The following MTHFD1L variants were observed in gnomAD, a reference collection of about 807,000 sequenced individuals.
The protein encoded by MTHFD1L is methylenetetrahydrofolate dehydrogenase (NADP+ dependent) 1 like.
In MTHFD1L, 81 loss-of-function variants were observed where a neutral mutation model predicts 119.5. The ratio of observed to expected loss-of-function variants is 0.68; its 90% CI spans 0.57 to 0.82. The LOEUF (loss-of-function observed/expected upper bound fraction) is 0.82. Ranked by LOEUF, MTHFD1L falls within the 40% of genes least tolerant of loss-of-function variation. The pLI is 0.00. For synonymous variants in MTHFD1L, 430 were observed against 475.2 expected (o/e 0.90, Z 1.24); for missense variants, 1,125 against 1,253.4 (o/e 0.90, Z 1.55).
At chr6:150,969,512 C>CAAA (rs35902929) in intron 19 of MTHFD1L, among the ~76,000 whole-genome samples, 6 of 126,718 alleles carry the variant, frequency 4.7e-5, no homozygotes, top group African/African-American at 8.6e-5. Flanking sequence ...GACCCTGCCT[C>CAAA]AAAAAAAAAA....
chr6:150,993,514 G>A (rs1463367988), intron 20 of MTHFD1L, among the ~76,000 whole-genome samples: 5 of 152,188 alleles, frequency 3.3e-5, no homozygotes, highest in South Asian at 4.2e-4. Context: ...TTTTTGCCAT[G>A]TTGCCCAGGC....
intron 24 of MTHFD1L, among the ~76,000 whole-genome samples, chr6:151,028,734 C>T (rs923117484): frequency 1.3e-5 from 2 of 152,114 alleles, no homozygotes; most frequent in African/African-American, 4.8e-5. Context: ...TTGCCCGACA[C>T]CATAAATGGA....
chr6:150,925,787 A>G (rs1350677847), intron 10 of MTHFD1L, among the ~76,000 whole-genome samples: 1 of 152,182 alleles, frequency 6.6e-6, no homozygotes, highest in Non-Finnish European at 1.5e-5. Context: ...TGGCCCATAC[A>G]GAGCATTTTG....
At chr6:150,986,575 T>C (rs1163151551) in intron 20 of MTHFD1L, among the ~76,000 whole-genome samples, 1 of 152,226 alleles carries the variant, frequency 6.6e-6, no homozygotes, top group Non-Finnish European at 1.5e-5. Context: ...CACACTCCTA[T>C]GAGAATCTAA....
intron 20 of MTHFD1L, among the ~76,000 whole-genome samples, chr6:150,997,833 A>C (rs1258033538): frequency 6.6e-6 from 1 of 152,198 alleles, no homozygotes; most frequent in Non-Finnish European, 1.5e-5. Context: ...GTTTCATGGG[A>C]GCTGCCTCTG....
chr6:150,956,135 C>T (rs1227934490), intron 17 of MTHFD1L, 64 bp downstream of exon 17: 1 of 1,508,298 alleles, frequency 6.6e-7, no homozygotes, highest in African/African-American at 1.4e-5. Flanking sequence ...GGCCTGGGAG[C>T]TCACTCTTTG....
At chr6:150,965,586 G>A (rs1345547289) in intron 19 of MTHFD1L, among the ~76,000 whole-genome samples, 3 of 151,834 alleles carry the variant, frequency 2.0e-5, no homozygotes, top group South Asian at 2.1e-4. Context: ...GCTTGAACCC[G>A]GGAGGCAGAG....
chr6:151,088,126 T>C (rs1794002992), intron 26 of MTHFD1L: 1 of 152,108 alleles, frequency 6.6e-6, no homozygotes, highest in African/African-American at 2.4e-5. Flanking sequence ...GGGAGAAAAT[T>C]TGTGGGAATG....
chr6:151,088,164 A>G (rs1279698934), intron 26 of MTHFD1L: 3 of 152,188 alleles, frequency 2.0e-5, no homozygotes, highest in Admixed American at 1.3e-4. Context: ...ATAATTCCAC[A>G]TTATGCTTGC....
intron 11 of MTHFD1L, among the ~76,000 whole-genome samples, chr6:150,928,659 A>G (rs113787367): frequency 0.011 from 1,614 of 151,192 alleles, 24 homozygotes; most frequent in African/African-American, 0.037. Context: ...CTTGTGCCTC[A>G]GCTTCCCAAG....
intron 27 of MTHFD1L, chr6:151,100,029 C>CTT: frequency 1.6e-6 from 1 of 610,374 alleles, no homozygotes; most frequent in Non-Finnish European, 2.8e-6. Flanking sequence ...TATTTTCTTT[C>CTT]TTTTCTTTTT....
At chr6:151,061,810 TA>T (rs1790680253) in intron 26 of MTHFD1L, among the ~76,000 whole-genome samples, 1 of 152,170 alleles carries the variant, frequency 6.6e-6, no homozygotes, top group African/African-American at 2.4e-5. Flanking sequence ...CTTCACATTA[TA>T]AAAATGAGAA....
intron 18 of MTHFD1L, among the ~76,000 whole-genome samples, chr6:150,963,571 A>T (rs931627950): frequency 3.3e-5 from 5 of 152,256 alleles, no homozygotes; most frequent in African/African-American, 1.2e-4. Flanking sequence ...ATAAAAATAG[A>T]AACCAATCAC....
chr6:150,883,909 A>G (rs961896488), intron 5 of MTHFD1L, among the ~76,000 whole-genome samples: 1 of 152,146 alleles, frequency 6.6e-6, no homozygotes, highest in Non-Finnish European at 1.5e-5. Flanking sequence ...CAGGGGCTGG[A>G]TGGGGAGGCT....
Position 150,965,336 on chromosome 6 carries a change from G to C in MTHFD1L, c.2013+299G>C, listed in dbSNP as rs117186732. On this transcript the variant is annotated intron_variant, in intron 19 of 27. Coordinates refer to ENST00000367321, the MANE Select transcript of MTHFD1L (RefSeq NM_015440.5). ...GCTTCTTTAATATAAGTCATGTCTT[G>C]GCTTAATTGACCCGAGTAGAAACTT... 4.6e-3 allele frequency among the ~76,000 whole-genome samples: 698 copies of C among 152,218 alleles called. 1 individual carries two copies. Among genetic ancestry groups the C allele is most frequent in the Admixed American group, 7.7e-3 (118 of 15,292 alleles).
chr6:150,938,409 A>G (rs1296927419), intron 12 of MTHFD1L, among the ~76,000 whole-genome samples: 1 of 152,198 alleles, frequency 6.6e-6, no homozygotes, highest in Non-Finnish European at 1.5e-5. Flanking sequence ...CTAATAATAA[A>G]TTATCAAAAT....
At chr6:150,913,348 G>C (rs189073218) in intron 8 of MTHFD1L, among the ~76,000 whole-genome samples, 56 of 151,622 alleles carry the variant, frequency 3.7e-4, no homozygotes, top group Admixed American at 3.2e-3. Flanking sequence ...TGTATTTTTA[G>C]TAGAGACGGG....
intron 20 of MTHFD1L, among the ~76,000 whole-genome samples, chr6:150,982,905 G>A (rs1241489571): frequency 6.6e-6 from 1 of 152,132 alleles, no homozygotes; most frequent in Non-Finnish European, 1.5e-5. Flanking sequence ...TCGCCAAGTT[G>A]ACCAGGTTGG....
At chr6:151,067,638 A>G (rs7742901) in intron 26 of MTHFD1L, among the ~76,000 whole-genome samples, 7,075 of 152,272 alleles carry the variant, frequency 0.046, 539 homozygotes, top group African/African-American at 0.16. Flanking sequence ...ACTTTTTTAA[A>G]TCACAATTTG....
Sources: gnomAD v4.1 joint callset for allele counts (sites outside exome capture counted in the v4.1 genomes callset) on GRCh38, gnomAD v4.1.1 for gene constraint, MANE v1.5 for transcripts, NCBI Gene and HGNC (gene_info 2026-07-23, HGNC 2026-07-21) for gene names.